HSPA12A: variants seen among roughly 807,000 people sequenced by gnomAD.
The protein encoded by HSPA12A is heat shock 70 kDa protein 12A.
A neutral mutation model predicts 69.2 loss-of-function variants in HSPA12A; 28 were observed. That is an observed-to-expected ratio of 0.40 (90% CI 0.30 to 0.55). The LOEUF is 0.55. HSPA12A is among the 20% of genes least tolerant of loss of function. The probability of loss-of-function intolerance (pLI) is 0.38; values close to 1 mark genes in which losing one functional copy is unlikely to be tolerated. For synonymous variants in HSPA12A, 345 were observed against 370.5 expected, an observed-to-expected ratio of 0.93 and a Z score of 0.79; for missense variants, 686 against 900.7, an observed-to-expected ratio of 0.76 and a Z score of 3.05.
At chr10:116,721,412 G>C (rs117122982) in intron 1 of HSPA12A, among the ~76,000 whole-genome samples, 1,617 of 152,266 alleles carry the variant, frequency 0.011, 13 homozygotes, top group Non-Finnish European at 0.013. Context: ...CGTCCCACCT[G>C]AGGCCAAGCA....
intron 1 of HSPA12A, among the ~76,000 whole-genome samples, chr10:116,707,785 G>A (rs1224806058): frequency 3.3e-5 from 5 of 152,214 alleles, no homozygotes; most frequent in Non-Finnish European, 7.3e-5. Flanking sequence ...AGGATGTGAT[G>A]AAGCTTCAGA....
At position 116,819,369 on chromosome 10, in the gene HSPA12A, T is replaced by C. The variant is rs1037005064; in HGVS notation, c.91+15566A>G. Among the ~76,000 whole-genome samples the C allele has an allele frequency of 3.4e-4, 51 of 152,174 alleles. 1 individual carries two copies. Among genetic ancestry groups the C allele is most frequent in the Non-Finnish European group, 3.5e-4 (24 of 68,036 alleles). ...TAGGAGGGTTCCGTGGTCTGAGTCT[T>C]TGTGTCCCTGCAAAATTCCTATGTT... On this transcript the variant is annotated intron_variant, in intron 2 of 12. Coordinates refer to the HSPA12A transcript ENST00000635765.
intron 1 of HSPA12A, among the ~76,000 whole-genome samples, chr10:116,718,883 ACAGAAGGT>A (rs1451059645): frequency 1.3e-5 from 2 of 151,876 alleles, no homozygotes; most frequent in African/African-American, 4.8e-5. Context: ...TAGAAGAGGA[ACAGAAGGT>A]CAGAAAAACT....
intron 1 of HSPA12A, among the ~76,000 whole-genome samples, chr10:116,734,017 C>T (rs1554886138): frequency 1.3e-5 from 2 of 152,140 alleles, no homozygotes; most frequent in Non-Finnish European, 2.9e-5. Flanking sequence ...AAAACAAGGT[C>T]GGTGTACATC....
At chr10:116,763,471 C>A (rs555587305) in intron 2 of HSPA12A, among the ~76,000 whole-genome samples, 2 of 152,364 alleles carry the variant, frequency 1.3e-5, no homozygotes, top group Admixed American at 1.3e-4. Flanking sequence ...CTGCAGACCT[C>A]TTTCTTCTGC....
At chr10:116,715,419 C>G (rs1850575363) in intron 1 of HSPA12A, among the ~76,000 whole-genome samples, 1 of 152,124 alleles carries the variant, frequency 6.6e-6, no homozygotes, top group South Asian at 2.1e-4. Flanking sequence ...ATTGGTAATG[C>G]TAAGGGATTA....
rs1849189411 is a variant in HSPA12A at position 116,675,057 on chromosome 10, G to A, written c.1752C>T (p.Val584=). The A allele has an allele frequency of 6.2e-7, 1 of 1,613,920 alleles. No individual in the cohort carries two copies. The highest frequency in any genetic ancestry group is 8.5e-7 in the Non-Finnish European group (1 of 1,180,018). ...GCTTGGCCGGGGTGTAGCTACGCTTGACCAGCTCACCCAGAGCCACAGACT... is the reference window on the plus strand; with the variant it reads ...GCTTGGCCGGGGTGTAGCTACGCTTAACCAGCTCACCCAGAGCCACAGACT... ...ADQSVALGEL[V]KRSYTPAKPS... is the part of the protein sequence containing the mutation. Residue 584 remains valine (V), a synonymous_variant, in exon 12 of 12, where the codon GTC becomes GTT. Transcript: ENST00000369209. This position sits in a 1 kb window ranked among gnomAD's most constrained non-coding sequence, Gnocchi z 5.2.
chr10:116,818,958 C>T (rs1337330660), intron 2 of HSPA12A, among the ~76,000 whole-genome samples: 1 of 151,898 alleles, frequency 6.6e-6, no homozygotes, highest in South Asian at 2.1e-4. Flanking sequence ...CTCTGTTAAC[C>T]CTTTGCAGCC....
At chr10:116,824,781 G>A (rs181621664) in intron 2 of HSPA12A, among the ~76,000 whole-genome samples, 88 of 152,244 alleles carry the variant, frequency 5.8e-4, no homozygotes, top group African/African-American at 1.9e-3. Context: ...CTATAGATGC[G>A]CACCGCCACA....
chr10:116,837,880 T>C (rs1327735348), intron 1 of HSPA12A, among the ~76,000 whole-genome samples: 4 of 152,284 alleles, frequency 2.6e-5, no homozygotes, highest in Non-Finnish European at 1.5e-5. Context: ...TGAAGAATTA[T>C]GTTGATAGCC....
chr10:116,849,646 A>G (rs1845995228), exon 1 of HSPA12A: 23 of 1,550,240 alleles, frequency 1.5e-5, no homozygotes, highest in Non-Finnish European at 2.0e-5. Flanking sequence ...ATGGAGTACT[A>G]CCGGGAGAAC....
At chr10:116,759,563 C>A (rs1488171146) in intron 2 of HSPA12A, among the ~76,000 whole-genome samples, 1 of 152,146 alleles carries the variant, frequency 6.6e-6, no homozygotes, top group Non-Finnish European at 1.5e-5. Flanking sequence ...GGTCACCTTC[C>A]ATGAGGATGA....
chr10:116,688,575 A>G (rs1350735002), intron 6 of HSPA12A, among the ~76,000 whole-genome samples: 1 of 152,202 alleles, frequency 6.6e-6, no homozygotes, highest in Non-Finnish European at 1.5e-5. Flanking sequence ...CACAGCTGAG[A>G]AAAAATAGCC....
intron 2 of HSPA12A, among the ~76,000 whole-genome samples, chr10:116,767,217 C>T (rs1177970410): frequency 6.6e-6 from 1 of 152,152 alleles, no homozygotes; most frequent in Non-Finnish European, 1.5e-5. Context: ...AAAGAGGCAG[C>T]AAAGAGGCAA....
upstream of HSPA12A, among the ~76,000 whole-genome samples, chr10:116,746,220 C>G (rs1384118098): frequency 6.6e-6 from 1 of 152,186 alleles, no homozygotes; most frequent in African/African-American, 2.4e-5. Flanking sequence ...CCACCACATC[C>G]ATTCATGCAA....
chr10:116,744,343 AG>A (rs1564806086), upstream of HSPA12A, among the ~76,000 whole-genome samples: 1 of 152,290 alleles, frequency 6.6e-6, no homozygotes, highest in Non-Finnish European at 1.5e-5. Flanking sequence ...CATGCTGGCC[AG>A]GGGGGCCCTC....
chr10:116,676,903 C>T (rs782039367), intron 10 of HSPA12A, among the ~76,000 whole-genome samples: 4 of 152,180 alleles, frequency 2.6e-5, no homozygotes, highest in Non-Finnish European at 5.9e-5. Flanking sequence ...CACATGTGTG[C>T]GCTCAGGTGC....
At chr10:116,793,546 G>A (rs1844746525) in intron 2 of HSPA12A, among the ~76,000 whole-genome samples, 1 of 151,188 alleles carries the variant, frequency 6.6e-6, no homozygotes, top group Non-Finnish European at 1.5e-5. Flanking sequence ...TCTCTAACCT[G>A]GGTGACAGAG....
intron 1 of HSPA12A, among the ~76,000 whole-genome samples, chr10:116,721,914 C>T (rs989613982): frequency 1.5e-4 from 23 of 152,206 alleles, no homozygotes; most frequent in Non-Finnish European, 1.5e-5. Context: ...TTCCAGGACC[C>T]CTTGTTCCAG....
Sources: gnomAD v4.1 joint callset for allele counts (sites outside exome capture counted in the v4.1 genomes callset) on GRCh38, gnomAD v4.1.1 for gene constraint, Gnocchi (gnomAD v3.1) non-coding constraint, MANE v1.5 for transcripts, NCBI Gene and HGNC (gene_info 2026-07-23, HGNC 2026-07-21) for gene names.